PTPRD: variants seen among roughly 807,000 people sequenced by gnomAD.
The protein encoded by PTPRD is receptor-type tyrosine-protein phosphatase delta.
PTPRD carries 34 observed loss-of-function variants against 214.5 expected under a neutral mutation model. That is an observed-to-expected ratio of 0.16 (90% confidence interval 0.12 to 0.21). The LOEUF (loss-of-function observed/expected upper bound fraction) is 0.21. PTPRD is among the 10% of genes least tolerant of loss of function. The pLI is 1.00. For missense variants in PTPRD, 2,545 were observed against 2,398.7 expected, an observed-to-expected ratio of 1.06 and a Z score of -1.27; for synonymous variants, 1,128 against 845.7, an observed-to-expected ratio of 1.33 and a Z score of -5.79.
rs549824145 is a variant in PTPRD, at chr9:9,047,095, G to C, written c.-142-28360C>G. 2.7e-4 allele frequency among the ~76,000 whole-genome samples: 41 copies of C among 151,818 alleles called. 2 individuals are homozygous for C. The highest frequency in any genetic ancestry group is 2.7e-3 in the Admixed American group (41 of 15,204). ...GAATATAAAATTAACATTAAAAATCGGTAGCATTTCTTTATGCCAACAGTG... is the reference window on the plus strand; with the variant it reads ...GAATATAAAATTAACATTAAAAATCCGTAGCATTTCTTTATGCCAACAGTG... On this transcript the variant is annotated intron_variant, in intron 10 of 45. Coordinates refer to ENST00000381196, the MANE Select transcript of PTPRD (RefSeq NM_002839.4).
intron 5 of PTPRD, among the ~76,000 whole-genome samples, chr9:9,906,882 G>A (rs2077717142): frequency 6.6e-6 from 1 of 151,920 alleles, no homozygotes. Context: ...AGATTAATAT[G>A]AGATCTGGCT....
chr9:9,177,540 GT>G (rs2131274440), intron 10 of PTPRD, among the ~76,000 whole-genome samples: 1 of 152,070 alleles, frequency 6.6e-6, no homozygotes, highest in African/African-American at 2.4e-5. Context: ...CTTAAAATTT[GT>G]TTTTTGTCAT....
rs150166589 is a variant in PTPRD, at chr9:8,366,962, C to T, written c.4661+8974G>A. On this transcript the variant is annotated intron_variant, in intron 39 of 45. Coordinates refer to ENST00000381196, the MANE Select transcript of PTPRD (RefSeq NM_002839.4). ...ACTCCTTCTTGGCAGTAGAGTTAAA[C>T]GCCTACGGCCTGTTCTTTTGAATCC... is the stretch of plus-strand genomic sequence containing the variant. Among the ~76,000 whole-genome samples the T allele has an allele frequency of 8.3e-3, 1,264 of 152,282 alleles. 10 individuals carry two copies. The highest frequency in any genetic ancestry group is 0.027 in the Middle Eastern group (8 of 294).
chr9:8,451,585 TAA>T (rs969604264), intron 33 of PTPRD, among the ~76,000 whole-genome samples: 30 of 152,294 alleles, frequency 2.0e-4, no homozygotes, highest in African/African-American at 6.7e-4. Flanking sequence ...CTCACCACAC[TAA>T]GAGATTCCTT....
At chr9:9,885,147 G>A (rs766318715) in intron 5 of PTPRD, among the ~76,000 whole-genome samples, 2 of 151,872 alleles carry the variant, frequency 1.3e-5, no homozygotes, top group Non-Finnish European at 2.9e-5. Flanking sequence ...GAGAGCTTAA[G>A]GTACTGCATG....
chr9:10,481,688 G>A (rs911469072), intron 2 of PTPRD, among the ~76,000 whole-genome samples: 1 of 152,188 alleles, frequency 6.6e-6, no homozygotes, highest in Non-Finnish European at 1.5e-5. Context: ...ATCATTAAAT[G>A]TTAAAAATCC....
intron 43 of PTPRD, among the ~76,000 whole-genome samples, chr9:8,337,831 A>G (rs1848487642): frequency 6.6e-6 from 1 of 150,488 alleles, no homozygotes; most frequent in African/African-American, 2.4e-5. Flanking sequence ...TGCACTTTCT[A>G]TTTTCACTCA....
chr9:8,649,894 T>C (rs369086265), intron 12 of PTPRD, among the ~76,000 whole-genome samples: 1 of 152,270 alleles, frequency 6.6e-6, no homozygotes, highest in East Asian at 1.9e-4. Flanking sequence ...AACATTTTAC[T>C]TTAAGGGCTA....
At chr9:9,977,515 G>A (rs1566880047) in intron 4 of PTPRD, among the ~76,000 whole-genome samples, 1 of 152,106 alleles carries the variant, frequency 6.6e-6, no homozygotes, top group African/African-American at 2.4e-5. Context: ...CATGTAATTA[G>A]ACATTAACAC....
intron 12 of PTPRD, among the ~76,000 whole-genome samples, chr9:8,667,927 G>A (rs1596458318): frequency 6.6e-6 from 1 of 152,062 alleles, no homozygotes; most frequent in African/African-American, 2.4e-5. Flanking sequence ...GCCTATTCTG[G>A]CTTGAGAAGT....
At chr9:9,595,614 T>C (rs1367186937) in intron 7 of PTPRD, among the ~76,000 whole-genome samples, 1 of 151,440 alleles carries the variant, frequency 6.6e-6, no homozygotes, top group African/African-American at 2.4e-5. Context: ...AATTCAGCCA[T>C]TAAAAGGAAT....
chr9:9,954,777 T>C (rs2093767105), intron 4 of PTPRD, among the ~76,000 whole-genome samples: 1 of 152,228 alleles, frequency 6.6e-6, no homozygotes, highest in South Asian at 2.1e-4. Context: ...CATAGATTAA[T>C]ACAGTAATAG....
intron 4 of PTPRD, among the ~76,000 whole-genome samples, chr9:9,946,381 A>G (rs576260483): frequency 6.6e-6 from 1 of 152,286 alleles, no homozygotes; most frequent in South Asian, 2.1e-4. Context: ...GAAAACATCT[A>G]GCTTAGTGAG....
chr9:10,582,558 C>G (rs1427949789), intron 2 of PTPRD, among the ~76,000 whole-genome samples: 3 of 152,114 alleles, frequency 2.0e-5, no homozygotes, highest in African/African-American at 7.2e-5. Flanking sequence ...TGACAACACC[C>G]TAAAAGTTTC....
chr9:9,908,906 C>A (rs1392749302), intron 5 of PTPRD, among the ~76,000 whole-genome samples: 3 of 151,692 alleles, frequency 2.0e-5, no homozygotes, highest in African/African-American at 4.8e-5. Context: ...GTCAGTTAAA[C>A]CAAAATATTA....
At chr9:10,185,152 A>T (rs1306601359) in intron 3 of PTPRD, among the ~76,000 whole-genome samples, 6 of 152,190 alleles carry the variant, frequency 3.9e-5, no homozygotes, top group Admixed American at 3.9e-4. Context: ...TCTCACTGTT[A>T]ATCTTTACAG....
At position 10,495,372 on chromosome 9, in the gene PTPRD, T is replaced by C. The variant is rs73394330; in HGVS notation, c.-600+117026A>G. Among the ~76,000 whole-genome samples, 847 of 151,996 alleles carry C rather than the reference T, an allele frequency of 5.6e-3. 6 individuals are homozygous for C. The highest frequency in any genetic ancestry group is 0.02 in the African/African-American group (818 of 41,544). ...ATCCACTTCACTCAAATCCTGATTT[T>C]ACAATTGTTCTGCTGTTAAGAGAGG... On this transcript the variant is annotated intron_variant, in intron 2 of 45. Transcript: ENST00000381196.
At chr9:8,929,679 T>C (rs960348697) in intron 11 of PTPRD, among the ~76,000 whole-genome samples, 3 of 132,974 alleles carry the variant, frequency 2.3e-5, no homozygotes, top group African/African-American at 3.2e-5. Flanking sequence ...CCAGGTTTTC[T>C]TTTATATATG....
chr9:8,449,513 T>C (rs1211232805), intron 34 of PTPRD, among the ~76,000 whole-genome samples: 1 of 152,244 alleles, frequency 6.6e-6, no homozygotes, highest in Non-Finnish European at 1.5e-5. Context: ...ATACCCATAT[T>C]TCTTTTTCTT....
Sources: gnomAD v4.1 joint callset for allele counts (sites outside exome capture counted in the v4.1 genomes callset) on GRCh38, gnomAD v4.1.1 for gene constraint, MANE v1.5 for transcripts, NCBI Gene and HGNC (gene_info 2026-07-23, HGNC 2026-07-21) for gene names.